GLIS3: variants seen among roughly 807,000 people sequenced by gnomAD.
The protein encoded by GLIS3 is zinc finger protein GLIS3.
Under a neutral mutation model 78.6 loss-of-function variants are expected in GLIS3, and 53 were observed. The observed-to-expected ratio is 0.67, with a 90% CI of 0.54 to 0.85. The LOEUF is 0.85. GLIS3 is among the 40% of genes least tolerant of loss of function. The pLI, the probability that GLIS3 is intolerant of heterozygous loss-of-function variation, is 0.00. For missense variants in GLIS3, 1,703 were observed against 1,231.1 expected (o/e 1.38, Z -5.74); for synonymous variants, 684 against 509.9 (o/e 1.34, Z -4.60).
chr9:4,086,001 A>G (rs1187607261), intron 4 of GLIS3, among the ~76,000 whole-genome samples: 1 of 152,190 alleles, frequency 6.6e-6, no homozygotes, highest in African/African-American at 2.4e-5. Flanking sequence ...ATCCTTCTAA[A>G]AGACAGCTAT....
At chr9:4,080,476 A>G (rs1378972112) in intron 4 of GLIS3, among the ~76,000 whole-genome samples, 1 of 152,212 alleles carries the variant, frequency 6.6e-6, no homozygotes, top group Non-Finnish European at 1.5e-5. Context: ...TTAAATAAAG[A>G]CAAGATGATT....
chr9:4,245,244 A>G (rs1823694706), intron 2 of GLIS3, among the ~76,000 whole-genome samples: 1 of 152,296 alleles, frequency 6.6e-6, no homozygotes. Context: ...CAAACCCACA[A>G]TGATTATTAT....
intron 4 of GLIS3, among the ~76,000 whole-genome samples, chr9:4,089,346 A>AT (rs35675696): frequency 1.1e-4 from 13 of 115,574 alleles, no homozygotes; most frequent in East Asian, 3.9e-4. Flanking sequence ...AGTGGATAAC[A>AT]TTTTTTTTTC....
chr9:4,357,585 G>A, the GLIS3 span, among the ~76,000 whole-genome samples: 1 of 151,800 alleles, frequency 6.6e-6, no homozygotes, highest in Non-Finnish European at 1.5e-5. Context: ...GTGTGTGTGT[G>A]TGTGCATGTG....
intron 2 of GLIS3, among the ~76,000 whole-genome samples, chr9:4,187,053 G>A (rs538053020): frequency 1.3e-5 from 2 of 152,270 alleles, no homozygotes; most frequent in South Asian, 4.1e-4. Context: ...CAGTGTTTTA[G>A]ACATGAAGTC....
the GLIS3 span, among the ~76,000 whole-genome samples, chr9:4,362,104 G>A: frequency 2.6e-5 from 4 of 152,270 alleles, no homozygotes; most frequent in Admixed American, 6.5e-5. Flanking sequence ...CCAGCTCCCC[G>A]CAAGAGCCAC....
intron 1 of GLIS3, among the ~76,000 whole-genome samples, chr9:4,296,307 A>AG (rs1816500356): frequency 6.6e-6 from 1 of 152,004 alleles, no homozygotes; most frequent in Non-Finnish European, 1.5e-5. Context: ...AAAAAAAAAA[A>AG]AAAGACCGAG....
At chr9:4,105,006 T>G (rs962158034) in intron 4 of GLIS3, among the ~76,000 whole-genome samples, 12 of 152,216 alleles carry the variant, frequency 7.9e-5, no homozygotes. Context: ...CATGCACACC[T>G]ATAATTAGAT....
At chr9:3,959,729 T>G (rs1172588109) in intron 4 of GLIS3, among the ~76,000 whole-genome samples, 2 of 152,136 alleles carry the variant, frequency 1.3e-5, no homozygotes, top group Non-Finnish European at 2.9e-5. Context: ...AGTCTCAACT[T>G]TATTATCGCT....
At chr9:4,464,304 A>C in the GLIS3 span, among the ~76,000 whole-genome samples, 1 of 151,936 alleles carries the variant, frequency 6.6e-6, no homozygotes, top group African/African-American at 2.4e-5. Context: ...TTTAATTTTT[A>C]CCATGATTTT....
intron 2 of GLIS3, among the ~76,000 whole-genome samples, chr9:4,172,718 A>G (rs1379157268): frequency 6.6e-6 from 1 of 152,204 alleles, no homozygotes; most frequent in Non-Finnish European, 1.5e-5. Context: ...AGGAAAGTCT[A>G]TAAGAAGGCA....
chr9:4,169,169 T>C (rs943420567), intron 2 of GLIS3, among the ~76,000 whole-genome samples: 4 of 152,204 alleles, frequency 2.6e-5, no homozygotes, highest in African/African-American at 7.2e-5. Context: ...GGTACTCCTC[T>C]GACTTTTTAT....
chr9:3,899,313 T>C (rs1823109499), intron 6 of GLIS3, among the ~76,000 whole-genome samples: 1 of 152,094 alleles, frequency 6.6e-6, no homozygotes, highest in South Asian at 2.1e-4. Flanking sequence ...TAAATTTTAA[T>C]ATATTATGGC....
At chr9:4,055,210 A>G (rs1364887274) in intron 4 of GLIS3, among the ~76,000 whole-genome samples, 1 of 152,162 alleles carries the variant, frequency 6.6e-6, no homozygotes, top group Non-Finnish European at 1.5e-5. Flanking sequence ...TGACATCAAT[A>G]GAGTTGGCAA....
chr9:4,196,687 T>G (rs979532310), intron 2 of GLIS3, among the ~76,000 whole-genome samples: 10 of 152,030 alleles, frequency 6.6e-5, no homozygotes, highest in African/African-American at 1.7e-4. Flanking sequence ...TGTCTGAACA[T>G]CAGAAGGAGC....
chr9:4,278,201 ACTAT>A (rs1827202793), intron 2 of GLIS3, among the ~76,000 whole-genome samples: 1 of 152,326 alleles, frequency 6.6e-6, no homozygotes, highest in East Asian at 1.9e-4. Context: ...ATTGGAACTC[ACTAT>A]CTTTCTCTAA....
At chr9:4,302,113 T>A (rs1298244743), upstream of GLIS3, among the ~76,000 whole-genome samples, 1 of 152,178 alleles carries the variant, frequency 6.6e-6, no homozygotes, top group Non-Finnish European at 1.5e-5. Flanking sequence ...ATGAGATCTG[T>A]ACCTCTTCTG....
chr9:4,018,002 C>T (rs1204700170), intron 4 of GLIS3, among the ~76,000 whole-genome samples: 1 of 152,198 alleles, frequency 6.6e-6, no homozygotes, highest in Non-Finnish European at 1.5e-5. Context: ...CAGCCCCTTA[C>T]TGGGGAACCT....
At chr9:4,232,967 C>T (rs886628249) in intron 2 of GLIS3, among the ~76,000 whole-genome samples, 1 of 152,154 alleles carries the variant, frequency 6.6e-6, no homozygotes, top group African/African-American at 2.4e-5. Flanking sequence ...AAGCCAGGTT[C>T]TTCTCTGTTT....
Sources: allele counts gnomAD v4.1 joint callset (sites outside exome capture counted in the v4.1 genomes callset), GRCh38; gene constraint gnomAD v4.1.1; transcripts MANE v1.5; gene names NCBI Gene and HGNC (gene_info 2026-07-23, HGNC 2026-07-21).